The following LY75 variants were observed in gnomAD, a reference collection of about 807,000 sequenced individuals.
LY75 encodes the protein lymphocyte antigen 75.
Under a neutral mutation model 231.7 loss-of-function variants are expected in LY75, and 185 were observed. That is an observed-to-expected ratio of 0.80 (90% CI 0.71 to 0.90). The LOEUF is 0.90. Ranked by LOEUF, LY75 falls within the 40% of genes least tolerant of loss-of-function variation. The pLI, the probability that LY75 is intolerant of heterozygous loss-of-function variation, is 0.00. For missense variants in LY75, 1,947 were observed against 2,050.2 expected, an observed-to-expected ratio of 0.95 and a Z score of 0.97; for synonymous variants, 668 against 689.0, an observed-to-expected ratio of 0.97 and a Z score of 0.48.
intron 12 of LY75, among the ~76,000 whole-genome samples, chr2:159,874,740 AAT>A (rs1388728737): frequency 4.0e-4 from 4 of 10,096 alleles, no homozygotes; most frequent in African/African-American, 5.5e-4. Context: ...AATATATGTA[AAT>A]ATATATATTT....
chr2:159,850,195 TAAAAATGTC>T, intron 22 of LY75, 55 bp from the exon 23 acceptor site: 1 of 1,546,004 alleles, frequency 6.5e-7, no homozygotes, highest in Middle Eastern at 1.7e-4. Flanking sequence ...AAAGATACAT[TAAAAATGTC>T]AATGAATATA....
At chr2:159,827,234 A>C (rs917696846) in intron 28 of LY75, among the ~76,000 whole-genome samples, 2 of 152,234 alleles carry the variant, frequency 1.3e-5, no homozygotes, top group African/African-American at 4.8e-5. Context: ...AATATCCAGA[A>C]TCTACAAGAA....
chr2:159,853,395 G>C, intron 19 of LY75, 43 bp from the exon 20 acceptor site: 1 of 1,596,128 alleles, frequency 6.3e-7, no homozygotes, highest in South Asian at 1.1e-5. Flanking sequence ...ATGTAATTAG[G>C]TGTTCCATTT....
At chr2:159,835,895 T>G (rs1224624566) in intron 25 of LY75, among the ~76,000 whole-genome samples, 1 of 152,222 alleles carries the variant, frequency 6.6e-6, no homozygotes, top group African/African-American at 2.4e-5. Context: ...TAAAGGTATG[T>G]AACTTGTGCA....
chr2:159,840,907 T>C lies in LY75; in HGVS notation c.3329A>G (p.Tyr1110Cys). ...GATTATTTTGTACAGATTATTTAGATACTTTACAGTTTCTGAAGCATTCTG... is the reference window on the plus strand; with the variant it reads ...GATTATTTTGTACAGATTATTTAGACACTTTACAGTTTCTGAAGCATTCTG... ...TLQNASETVK[Y>C]LNNLYKIIPK... is the part of the protein sequence containing the mutation. Residue 1110 changes from tyrosine to cysteine, a missense_variant, in exon 25 of 35, where the codon TAT becomes TGT. Transcript: ENST00000263636. The C allele has an allele frequency of 1.9e-6, 3 of 1,614,096 alleles. No individual in the cohort carries two copies. Among genetic ancestry groups the C allele is most frequent in the Non-Finnish European group, 1.7e-6 (2 of 1,179,972 alleles).
chr2:159,891,336 C>T (rs1467324386), intron 3 of LY75, among the ~76,000 whole-genome samples: 2 of 152,160 alleles, frequency 1.3e-5, no homozygotes, highest in Non-Finnish European at 2.9e-5. Context: ...CCTCTGATGG[C>T]ACATCCTGCT....
At chr2:159,896,110 T>G (rs188287021) in intron 2 of LY75, among the ~76,000 whole-genome samples, 1 of 152,370 alleles carries the variant, frequency 6.6e-6, no homozygotes, top group East Asian at 1.9e-4. Flanking sequence ...ATAAAGAGGT[T>G]GTTGGCAGGC....
rs775415438 is a variant in LY75 at position 159,878,444 on chromosome 2, G to C, written c.1654C>G (p.Leu552Val). ...AGGCCAGTCCAGAAGTATTTTCTTA[G>C]AGATTTATCATACTTTTTCATCAAA... is the stretch of plus-strand genomic sequence containing the variant. Reference protein sequence around the residue: ...NDLMKKYDKSLRKYFWTGLRD... With the variant: ...NDLMKKYDKSVRKYFWTGLRD... Residue 552 changes from leucine to valine, a missense_variant, in exon 11 of 35, where the codon CTA (leucine) becomes GTA (valine). Leu to Val is a conservative substitution (Grantham distance 32, BLOSUM62 1). Coordinates refer to ENST00000263636, the MANE Select transcript of LY75 (RefSeq NM_002349.4). 1 of 1,614,090 alleles carries C rather than the reference G, an allele frequency of 6.2e-7. No homozygotes were observed. Among genetic ancestry groups the C allele is most frequent in the Non-Finnish European group, 8.5e-7 (1 of 1,180,004 alleles).
At chr2:159,875,789 GAAT>G (rs1685250173) in intron 11 of LY75, 146 bp from the exon 12 acceptor site, 1 of 992,352 alleles carries the variant, frequency 1.0e-6, no homozygotes, top group East Asian at 2.6e-5. Context: ...ATGTTGTTCA[GAAT>G]AATAATGACA....
intron 14 of LY75, among the ~76,000 whole-genome samples, chr2:159,863,340 T>C (rs967506296): frequency 1.3e-5 from 2 of 152,160 alleles, no homozygotes; most frequent in African/African-American, 4.8e-5. Context: ...GCTGTTCATG[T>C]GGTTAGTTCT....
chr2:159,853,669 AT>A lies in LY75; in HGVS notation c.2623del (p.Ile875Ter), dbSNP rs775469228. On this transcript the variant is annotated frameshift_variant, in exon 19 of 35. Transcript: ENST00000263636. LOFTEE classifies it high-confidence loss of function. ...NISGDGQKWW[I>X]RISEWPIDDH... Reference sequence around the variant, plus strand: ...ATCTATTGGCCACTCGCTAATTCTTATCCACCACTTCTGTCCATCACCAGAT... The same window carrying A: ...ATCTATTGGCCACTCGCTAATTCTTACCACCACTTCTGTCCATCACCAGAT... 1.2e-6 allele frequency: 2 copies of A among 1,613,608 alleles called. No individual in the cohort carries two copies. Among genetic ancestry groups the A allele is most frequent in the Non-Finnish European group, 1.7e-6 (2 of 1,179,840 alleles).
intron 25 of LY75, among the ~76,000 whole-genome samples, chr2:159,839,066 G>T (rs1208412580): frequency 6.6e-6 from 1 of 152,206 alleles, no homozygotes; most frequent in Non-Finnish European, 1.5e-5. Context: ...AAAGTGCTGG[G>T]ATTACAGGCA....
At chr2:159,904,344 T>C (rs1011534913) in intron 1 of LY75, among the ~76,000 whole-genome samples, 2 of 152,226 alleles carry the variant, frequency 1.3e-5, no homozygotes, top group African/African-American at 4.8e-5. Flanking sequence ...GCGTCCCCTC[T>C]GCACCAGAAG....
chr2:159,845,976 T>TTA (rs1684190689), intron 23 of LY75, among the ~76,000 whole-genome samples: 1 of 151,820 alleles, frequency 6.6e-6, no homozygotes, highest in African/African-American at 2.4e-5. Context: ...CTTTTTTTTT[T>TTA]AAACATAGAC....
Position 159,844,395 on chromosome 2 carries a change from C to G in LY75, c.3151-2021G>C, listed in dbSNP as rs572490395. On this transcript the variant is annotated intron_variant, in intron 23 of 34. Transcript: ENST00000263636. ...GGAACAAGTTTTAGAAAACCCAGTA[C>G]TTATTCCTGATTAAAAGTTCTAAAC... is the stretch of plus-strand genomic sequence containing the variant. 6.6e-4 allele frequency among the ~76,000 whole-genome samples: 99 copies of G among 149,600 alleles called. 2 individuals are homozygous for G. Among genetic ancestry groups the G allele is most frequent in the Non-Finnish European group, 7.1e-4 (48 of 67,628 alleles).
rs376990453 is a variant in LY75 at position 159,834,312 on chromosome 2, G to A, written c.3674-101C>T. ...ATTTGTAGGAAATATTCAGGAAGCC[G>A]AGAAGTAATATCCTGGTGAAGCCTG... is the stretch of plus-strand genomic sequence containing the variant. On this transcript the variant is annotated intron_variant, in intron 26 of 34. Transcript: ENST00000263636. The A allele has an allele frequency of 1.6e-4, 235 of 1,456,688 alleles. 1 individual carries two copies. The Middle Eastern group carries it at 3.2e-3, about 20-fold the overall frequency. 90.2% of individuals were successfully genotyped at this position (1,456,688 alleles called of 1,614,324 possible). A position where few individuals can be genotyped will look rare whatever the true frequency, so the allele number is the denominator to read the frequency against.
chr2:159,902,763 A>G (rs909369336), intron 1 of LY75: 2 of 152,292 alleles, frequency 1.3e-5, no homozygotes, highest in East Asian at 1.9e-4. Context: ...CCAGGGAGTC[A>G]GAAAGTCTTC....
Position 159,871,575 on chromosome 2 carries a change from G to C in LY75, c.2117+876C>G, listed in dbSNP as rs73000744. Among the ~76,000 whole-genome samples the C allele has an allele frequency of 4.3e-3, 660 of 152,192 alleles. 6 individuals are homozygous for C. The highest frequency in any genetic ancestry group is 0.015 in the African/African-American group (629 of 41,512). On this transcript the variant is annotated intron_variant, in intron 13 of 34. Coordinates refer to ENST00000263636, the MANE Select transcript of LY75 (RefSeq NM_002349.4). Reference sequence around the variant, plus strand: ...AAAAGAACATTATAGTCTTAGAGCTGGATAAGTACTAATTGGCAAGCTTTG... The same window carrying C: ...AAAAGAACATTATAGTCTTAGAGCTCGATAAGTACTAATTGGCAAGCTTTG...
chr2:159,864,800 T>C (rs1343284077), intron 14 of LY75, 39 bp downstream of exon 14: 3 of 1,489,798 alleles, frequency 2.0e-6, no homozygotes, highest in Admixed American at 2.3e-5. Context: ...AAACAAACAG[T>C]GTTTCCATAC....
Sources: gnomAD v4.1 joint callset for allele counts (sites outside exome capture counted in the v4.1 genomes callset) on GRCh38, gnomAD v4.1.1 for gene constraint, MANE v1.5 for transcripts, NCBI Gene and HGNC (gene_info 2026-07-23, HGNC 2026-07-21) for gene names.